RSF1: variants seen among roughly 807,000 people sequenced by gnomAD.
The protein encoded by RSF1 is remodeling and spacing factor 1.
Under a neutral mutation model 145.2 loss-of-function variants are expected in RSF1, and 13 were observed. That is an observed-to-expected ratio of 0.09 (90% CI 0.06 to 0.14). The LOEUF (loss-of-function observed/expected upper bound fraction) is 0.14. Among genes scored for constraint, RSF1 ranks in the 10% least tolerant of loss-of-function variants. The pLI, the probability that RSF1 is intolerant of heterozygous loss-of-function variation, is 1.00. For missense variants in RSF1, 1,517 were observed against 1,718.2 expected, an observed-to-expected ratio of 0.88 and a Z score of 2.07; for synonymous variants, 577 against 592.6, an observed-to-expected ratio of 0.97 and a Z score of 0.38.
chr11:77,833,218 C>T, the RSF1 span, among the ~76,000 whole-genome samples: 8 of 151,240 alleles, frequency 5.3e-5, no homozygotes, highest in African/African-American at 1.7e-4. Context: ...GCCATGTTGG[C>T]CAGGCTGTTT....
chr11:77,735,100 C>G, intron 4 of RSF1: 1 of 863,564 alleles, frequency 1.2e-6, no homozygotes, highest in East Asian at 2.6e-5. Flanking sequence ...GGCCTTGGGG[C>G]GGTCTGAGGG....
chr11:77,799,180 A>T (rs976768115), intron 1 of RSF1, among the ~76,000 whole-genome samples: 1 of 151,936 alleles, frequency 6.6e-6, no homozygotes, highest in Non-Finnish European at 1.5e-5. Context: ...AATAGTAAAA[A>T]AATAATAATA....
upstream of RSF1, chr11:77,821,270 G>A (rs911885803): frequency 9.1e-6 from 2 of 219,964 alleles, no homozygotes; most frequent in East Asian, 9.9e-5. Context: ...CCTGAAACTG[G>A]GCCACGAGAT....
chr11:77,808,329 C>T (rs565648097), intron 1 of RSF1, among the ~76,000 whole-genome samples: 3 of 129,024 alleles, frequency 2.3e-5, no homozygotes, highest in African/African-American at 8.9e-5. Flanking sequence ...AAGACTCTGT[C>T]TAAAAAAACA....
chr11:77,764,832 G>T, intron 1 of RSF1, 143 bp from the exon 2 acceptor site: 1 of 545,610 alleles, frequency 1.8e-6, no homozygotes. Context: ...TTAGACCTCT[G>T]AATCAAAAAA....
chr11:77,825,296 G>A (rs1206892148), upstream of RSF1, among the ~76,000 whole-genome samples: 1 of 151,656 alleles, frequency 6.6e-6, no homozygotes, highest in Non-Finnish European at 1.5e-5. Context: ...TTTTTTTAAT[G>A]GATATTATAA....
At chr11:77,670,279 G>A (rs1332261412) in intron 15 of RSF1, among the ~76,000 whole-genome samples, 3 of 152,078 alleles carry the variant, frequency 2.0e-5, no homozygotes, top group Non-Finnish European at 4.4e-5. Context: ...AACATGACAA[G>A]CACAAACATA....
chr11:77,869,306 C>CTCTTTTT, the RSF1 span: 10 of 120,402 alleles, frequency 8.3e-5, 1 homozygote, highest in Non-Finnish European at 1.1e-4. Context: ...TTATTTATCT[C>CTCTTTTT]TTTTTCTTTT....
At chr11:77,704,397 T>C (rs1960494094) in intron 5 of RSF1, among the ~76,000 whole-genome samples, 1 of 152,210 alleles carries the variant, frequency 6.6e-6, no homozygotes, top group African/African-American at 2.4e-5. Flanking sequence ...TTTTTATCCC[T>C]ATTCTATGGT....
chr11:77,802,119 T>C (rs1021982772), intron 1 of RSF1, among the ~76,000 whole-genome samples: 5 of 152,192 alleles, frequency 3.3e-5, no homozygotes, highest in African/African-American at 1.2e-4. Flanking sequence ...AGATCTTGTT[T>C]ACCCAGCGTA....
At chr11:77,863,563 A>C in the RSF1 span, among the ~76,000 whole-genome samples, 68 of 152,198 alleles carry the variant, frequency 4.5e-4, 1 homozygote, top group East Asian at 0.012. Context: ...TAATTTCTGT[A>C]ATTTTAGTAG....
At chr11:77,785,767 T>C (rs1403807902) in intron 1 of RSF1, among the ~76,000 whole-genome samples, 2 of 121,144 alleles carry the variant, frequency 1.7e-5, no homozygotes, top group Non-Finnish European at 3.5e-5. Context: ...AAAAAAAAAA[T>C]ACAAAAAAAT....
At chr11:77,696,331 T>C (rs1960276078) in intron 7 of RSF1, among the ~76,000 whole-genome samples, 1 of 152,194 alleles carries the variant, frequency 6.6e-6, no homozygotes, top group South Asian at 2.1e-4. Flanking sequence ...GAAAATCCCT[T>C]AGAGTTCTAT....
At chr11:77,759,259 C>T (rs1948146703) in intron 2 of RSF1, among the ~76,000 whole-genome samples, 1 of 152,200 alleles carries the variant, frequency 6.6e-6, no homozygotes, top group Non-Finnish European at 1.5e-5. Context: ...ACCTGTAATC[C>T]CAACACTTTG....
At chr11:77,688,589 A>C (rs1960070392) in intron 9 of RSF1, among the ~76,000 whole-genome samples, 1 of 152,218 alleles carries the variant, frequency 6.6e-6, no homozygotes, top group Non-Finnish European at 1.5e-5. Flanking sequence ...ATGTTCTTGG[A>C]AAATATTCCA....
chr11:77,700,866 A>G lies in RSF1; in HGVS notation c.2363T>C (p.Val788Ala), dbSNP rs1196882752. 1 of 1,613,400 alleles carries G rather than the reference A, an allele frequency of 6.2e-7. No homozygotes were observed. Among genetic ancestry groups the G allele is most frequent in the African/African-American group, 1.3e-5 (1 of 74,780 alleles). Residue 788 changes from valine to alanine, a missense_variant, in exon 6 of 16, where the codon GTG becomes GCG. This residue lies in a region of RSF1 where 579 missense variants were observed against 553.5 expected (regional missense o/e 1.05). Coordinates refer to ENST00000308488, the MANE Select transcript of RSF1 (RefSeq NM_016578.4). ...SPRISRPTAK[V>A]AEIRDQKADK... is the part of the protein sequence containing the mutation. ...AGCTTTCTGATCTCTGATCTCAGCC[A>G]CTTTTGCAGTGGGTCTAGATATTCT... is the stretch of plus-strand genomic sequence containing the variant.
the RSF1 span, among the ~76,000 whole-genome samples, chr11:77,843,308 A>C: frequency 6.6e-6 from 1 of 152,102 alleles, no homozygotes; most frequent in Non-Finnish European, 1.5e-5. Flanking sequence ...CCCAAGGTAG[A>C]GCCTCCTTTC....
the RSF1 span, among the ~76,000 whole-genome samples, chr11:77,853,309 TC>T: frequency 6.6e-6 from 1 of 152,188 alleles, no homozygotes; most frequent in African/African-American, 2.4e-5. Flanking sequence ...GGCTCAGGTT[TC>T]CATAGGCTGT....
chr11:77,678,671 A>T (rs1222693654), intron 11 of RSF1, among the ~76,000 whole-genome samples: 1 of 152,176 alleles, frequency 6.6e-6, no homozygotes, highest in Non-Finnish European at 1.5e-5. Context: ...TAGTGCCCAT[A>T]TAAAAGAAGC....
Sources: gnomAD v4.1 joint callset for allele counts (sites outside exome capture counted in the v4.1 genomes callset) on GRCh38, gnomAD v4.1.1 for gene constraint, gnomAD v4.1.1 regional missense constraint, MANE v1.5 for transcripts, NCBI Gene and HGNC (gene_info 2026-07-23, HGNC 2026-07-21) for gene names.